Variants in PNKD observed in about 807,000 individuals in gnomAD.
PNKD encodes the protein PNKD metallo-beta-lactamase domain containing, also known as probable thioesterase PNKD.
In PNKD, 36 loss-of-function variants were observed where a neutral mutation model predicts 45.3. That is an observed-to-expected ratio of 0.80 (90% CI 0.61 to 1.05). The LOEUF is 1.05. PNKD is among the 50% of genes least tolerant of loss of function. The pLI is 0.00. For missense variants in PNKD, 511 were observed against 506.6 expected (o/e 1.01, Z -0.08); for synonymous variants, 197 against 210.1 (o/e 0.94, Z 0.54).
intron 2 of PNKD, among the ~76,000 whole-genome samples, chr2:218,315,328 G>A (rs1354578050): frequency 6.6e-6 from 1 of 151,740 alleles, no homozygotes; most frequent in African/African-American, 2.4e-5. Flanking sequence ...TTTTAGTAGA[G>A]ACGGGGTTTC....
chr2:218,340,233 G>C lies in PNKD; in HGVS notation c.465+92G>C. On this transcript the variant is annotated intron_variant, in intron 4 of 9. Coordinates refer to ENST00000273077, the MANE Select transcript of PNKD (RefSeq NM_015488.5). The surrounding 1 kb of genome is among the most constrained non-coding windows in gnomAD (Gnocchi z 4.2). Reference sequence around the variant, plus strand: ...AGAGAGGGCTGACCCTTGTCCGTCTGCCCGTGGGATGTGTCCCATATGCTC... The same window carrying C: ...AGAGAGGGCTGACCCTTGTCCGTCTCCCCGTGGGATGTGTCCCATATGCTC... 4 of 799,712 alleles carry C rather than the reference G, an allele frequency of 5.0e-6. No individual in the cohort carries two copies. Among genetic ancestry groups the C allele is most frequent in the Non-Finnish European group, 8.8e-6 (4 of 456,968 alleles). 49.5% of individuals were successfully genotyped at this position (799,712 alleles called of 1,614,324 possible). A position where few individuals can be genotyped will look rare whatever the true frequency, so the allele number is the denominator to read the frequency against.
chr2:218,337,066 C>T (rs1165449241), intron 2 of PNKD, among the ~76,000 whole-genome samples: 1 of 151,638 alleles, frequency 6.6e-6, no homozygotes, highest in Non-Finnish European at 1.5e-5. Flanking sequence ...TTCCAAAGAG[C>T]TGGGATTACA....
intron 2 of PNKD, chr2:218,279,294 G>A (rs766301022): frequency 6.3e-7 from 1 of 1,583,938 alleles, no homozygotes; most frequent in Admixed American, 1.8e-5. Context: ...CTTACACAAA[G>A]GTGAAGATAG....
chr2:218,299,543 C>G (rs1003484893), intron 2 of PNKD, among the ~76,000 whole-genome samples: 4 of 152,184 alleles, frequency 2.6e-5, no homozygotes, highest in African/African-American at 7.2e-5. Flanking sequence ...CCCCTGGGCT[C>G]AAGCCATCCT....
chr2:218,340,919 C>T lies in PNKD; in HGVS notation c.524+133C>T. On this transcript the variant is annotated intron_variant, in intron 5 of 9. Transcript: ENST00000273077. This position sits in a 1 kb window ranked among gnomAD's most constrained non-coding sequence, Gnocchi z 4.2. Reference sequence around the variant, plus strand: ...GGCACCCGCCTTCCTCGTGAAGTCACCTGGACACCAGCAGGGAGGGAGGAG... The same window carrying T: ...GGCACCCGCCTTCCTCGTGAAGTCATCTGGACACCAGCAGGGAGGGAGGAG... The T allele has an allele frequency of 2.6e-6, 2 of 757,624 alleles. No homozygotes were observed. The highest frequency in any genetic ancestry group is 2.4e-6 in the Non-Finnish European group (1 of 418,714). 46.9% of individuals were successfully genotyped at this position (757,624 alleles called of 1,614,324 possible). A position where few individuals can be genotyped will look rare whatever the true frequency, so the allele number is the denominator to read the frequency against.
intron 2 of PNKD, among the ~76,000 whole-genome samples, chr2:218,324,605 C>G (rs995695839): frequency 6.6e-6 from 1 of 152,150 alleles, no homozygotes; most frequent in African/African-American, 2.4e-5. Context: ...AAGTAAGTTA[C>G]CATTGCTCTG....
chr2:218,340,877 A>G lies in PNKD; in HGVS notation c.524+91A>G. On this transcript the variant is annotated intron_variant, in intron 5 of 9. Transcript: ENST00000273077. The surrounding 1 kb of genome is among the most constrained non-coding windows in gnomAD (Gnocchi z 4.2). ...TGAGGACGGCCGGGGCCAGAGATCA[A>G]GAAGTCAGTACGGGCCGGCACCCGC... 1 of 1,089,726 alleles carries G rather than the reference A, an allele frequency of 9.2e-7. No homozygotes were observed. The highest frequency in any genetic ancestry group is 2.4e-5 in the East Asian group (1 of 42,504). 67.5% of individuals were successfully genotyped at this position (1,089,726 alleles called of 1,614,324 possible).
intron 2 of PNKD, among the ~76,000 whole-genome samples, chr2:218,298,115 G>T (rs1693192044): frequency 6.6e-6 from 1 of 152,156 alleles, no homozygotes; most frequent in Non-Finnish European, 1.5e-5. Flanking sequence ...GCACATGGCG[G>T]ATGTTGATGG....
At position 218,291,706 on chromosome 2, in the gene PNKD, T is replaced by C. The variant is rs543771819; in HGVS notation, c.236+20157T>C. 8.0e-4 allele frequency among the ~76,000 whole-genome samples: 122 copies of C among 152,300 alleles called. No homozygotes were observed. In the Middle Eastern group the frequency reaches 0.014, roughly 17 times the overall value. ...CTTCCTCCCACTGGTCCCTGGCTCC[T>C]GCCCCAGTCTCTCCACTTGCTTTCC... On this transcript the variant is annotated intron_variant, in intron 2 of 9. Coordinates refer to ENST00000273077, the MANE Select transcript of PNKD (RefSeq NM_015488.5).
intron 2 of PNKD, among the ~76,000 whole-genome samples, chr2:218,296,663 G>GTTTTTC (rs1180116391): frequency 6.6e-6 from 1 of 151,988 alleles, no homozygotes; most frequent in East Asian, 1.9e-4. Flanking sequence ...CCTTTTTTCT[G>GTTTTTC]TTTTTCTTTT....
At chr2:218,275,973 A>G in intron 2 of PNKD, 1 of 1,577,100 alleles carries the variant, frequency 6.3e-7, no homozygotes, top group South Asian at 1.2e-5. Context: ...CCTTCCCTAG[A>G]TTCCTCCCCT....
intron 7 of PNKD, 85 bp downstream of exon 7, chr2:218,342,229 AG>A: frequency 8.7e-7 from 1 of 1,153,898 alleles, no homozygotes; most frequent in Non-Finnish European, 1.3e-6. Context: ...AGAGCACTGA[AG>A]CCTTAGTTTT....
In PNKD at chr2:218,341,697, G is replaced by A. The variant is rs1158234588; in HGVS notation, c.617+71G>A. The A allele has an allele frequency of 7.7e-6, 9 of 1,172,012 alleles. No homozygotes were observed. The Admixed American group carries it at 7.9e-5, about 10-fold the overall frequency. The allele number at this position is 1,172,012 out of a possible 1,614,324, so 72.6% of individuals were successfully genotyped here. On this transcript the variant is annotated intron_variant, in intron 6 of 9. Coordinates refer to ENST00000273077, the MANE Select transcript of PNKD (RefSeq NM_015488.5). ...TCCCCCACCCCCAGCCTTCAGTGAAGTGTTTCAGGGGTATCAGCAGGTGGA... is the reference window on the plus strand; with the variant it reads ...TCCCCCACCCCCAGCCTTCAGTGAAATGTTTCAGGGGTATCAGCAGGTGGA...
At position 218,340,439 on chromosome 2, in the gene PNKD, C is replaced by A. The variant is rs1409737108; in HGVS notation, c.466-289C>A. The stretch of plus-strand genomic sequence containing the variant: ...TCACTCCCATTGGCCCCCTTCAGAC[C>A]CCCTTTCTTTCTGTCACCTCTGTCT... On this transcript the variant is annotated intron_variant, in intron 4 of 9. Coordinates refer to ENST00000273077, the MANE Select transcript of PNKD (RefSeq NM_015488.5). This position sits in a 1 kb window ranked among gnomAD's most constrained non-coding sequence, Gnocchi z 4.2. Among the ~76,000 whole-genome samples the A allele has an allele frequency of 6.6e-6, 1 of 151,884 alleles. No homozygotes were observed.
intron 2 of PNKD, chr2:218,284,259 G>T (rs1692317682): frequency 6.6e-6 from 1 of 152,084 alleles, no homozygotes; most frequent in Admixed American, 6.6e-5. Context: ...CCTCCTCAGG[G>T]TGCACCTCTG....
At position 218,284,646 on chromosome 2, in the gene PNKD, GTCCT is replaced by G. The variant is rs576943223; in HGVS notation, c.236+13100_236+13103del. Among the ~76,000 whole-genome samples, 3 of 152,322 alleles carry G rather than the reference GTCCT, an allele frequency of 2.0e-5. No individual in the cohort carries two copies. In the South Asian group the frequency reaches 6.2e-4, roughly 32 times the overall value. On this transcript the variant is annotated intron_variant, in intron 2 of 9. Coordinates refer to ENST00000273077, the MANE Select transcript of PNKD (RefSeq NM_015488.5). ...ACTGCACACAGCAGTTTCCAGGCCA[GTCCT>G]TCGGGTACCTCAGCCACCAGCCCAT...
At chr2:218,320,251 C>G (rs1218514457) in intron 2 of PNKD, among the ~76,000 whole-genome samples, 1 of 152,184 alleles carries the variant, frequency 6.6e-6, no homozygotes, top group Non-Finnish European at 1.5e-5. Flanking sequence ...TTTTAATTGA[C>G]ACACAATAAT....
chr2:218,304,014 G>A (rs986347899), intron 2 of PNKD, among the ~76,000 whole-genome samples: 3 of 152,296 alleles, frequency 2.0e-5, no homozygotes, highest in Non-Finnish European at 1.5e-5. Flanking sequence ...GAGTTTGGCA[G>A]TGGAGCTCTC....
chr2:218,284,889 G>A (rs1394912997), intron 2 of PNKD, among the ~76,000 whole-genome samples: 5 of 152,176 alleles, frequency 3.3e-5, no homozygotes, highest in Non-Finnish European at 7.3e-5. Context: ...TCAGGAGTTC[G>A]AGACCAGCCT....
Sources: gnomAD v4.1 joint callset for allele counts (sites outside exome capture counted in the v4.1 genomes callset) on GRCh38, gnomAD v4.1.1 for gene constraint, Gnocchi (gnomAD v3.1) non-coding constraint, MANE v1.5 for transcripts, NCBI Gene and HGNC (gene_info 2026-07-23, HGNC 2026-07-21) for gene names.